PRIM2: variants seen among roughly 807,000 people sequenced by gnomAD.
The protein encoded by PRIM2 is DNA primase subunit 2.
PRIM2 carries 39 observed loss-of-function variants against 67.3 expected under a neutral mutation model. The observed-to-expected ratio is 0.58, with a 90% CI of 0.45 to 0.76. The LOEUF is 0.76. Ranked by LOEUF, PRIM2 falls within the 30% of genes least tolerant of loss-of-function variation. The pLI is 0.00. For missense variants in PRIM2, 398 were observed against 598.7 expected (o/e 0.66, Z 3.50); for synonymous variants, 143 against 198.7 (o/e 0.72, Z 2.36).
At chr6:57,333,720 A>G (rs1768132501) in intron 5 of PRIM2, among the ~76,000 whole-genome samples, 1 of 151,792 alleles carries the variant, frequency 6.6e-6, no homozygotes, top group African/African-American at 2.4e-5. Flanking sequence ...ACTTTCATCA[A>G]CTGTTTTCTC....
rs1441944056 is a variant in PRIM2 at position 57,601,084 on chromosome 6, C to G, written c.1021-9C>G. Reference sequence around the variant, plus strand: ...GACTTTGTCTCTTTTTCCATTTCCTCCCAATCAGTTTGATAAAGGTTACTC... The same window carrying G: ...GACTTTGTCTCTTTTTCCATTTCCTGCCAATCAGTTTGATAAAGGTTACTC... On this transcript the variant is annotated splice_polypyrimidine_tract_variant and intron_variant, in intron 10 of 13. Coordinates refer to ENST00000615550, the MANE Select transcript of PRIM2 (RefSeq NM_000947.5). 3 of 1,598,950 alleles carry G rather than the reference C, an allele frequency of 1.9e-6. No individual in the cohort carries two copies. Among genetic ancestry groups the G allele is most frequent in the African/African-American group, 2.7e-5 (2 of 74,474 alleles).
intron 2 of PRIM2, among the ~76,000 whole-genome samples, chr6:57,319,279 C>T (rs983527939): frequency 7.2e-5 from 11 of 152,184 alleles, no homozygotes; most frequent in African/African-American, 2.7e-4. Context: ...CCTACTTAAT[C>T]CTCAGTGTGT....
At chr6:57,530,595 G>A (rs2127467740) in intron 8 of PRIM2, among the ~76,000 whole-genome samples, 1 of 152,206 alleles carries the variant, frequency 6.6e-6, no homozygotes, top group South Asian at 2.1e-4. Context: ...TATTTTGGGG[G>A]GTGGCATCTT....
intron 7 of PRIM2, among the ~76,000 whole-genome samples, chr6:57,504,161 C>CTTTT (rs1774203652): frequency 6.6e-6 from 1 of 152,152 alleles, no homozygotes; most frequent in South Asian, 2.1e-4. Context: ...TCCAGACTCC[C>CTTTT]TTTTGTCTCT....
intron 10 of PRIM2, among the ~76,000 whole-genome samples, chr6:57,555,601 T>C (rs1775499509): frequency 6.6e-6 from 1 of 152,168 alleles, no homozygotes; most frequent in South Asian, 2.1e-4. Context: ...AATATTCTTA[T>C]TTAAGCTTTA....
rs1268317976 is a variant in PRIM2 at position 57,646,684 on chromosome 6, G to A, written c.*526G>A. 1 of 152,364 alleles carries A rather than the reference G, an allele frequency of 6.6e-6. No homozygotes were observed. Among genetic ancestry groups the A allele is most frequent in the Non-Finnish European group, 1.5e-5 (1 of 68,198 alleles). The allele number at this position is 152,364 out of a possible 1,614,324, so 9.4% of individuals were successfully genotyped here. A position where few individuals can be genotyped will look rare whatever the true frequency, so the allele number is the denominator to read the frequency against. ...GTTTCTATTAAAATCTGTCACTTGA[G>A]TGATGTCATTTAAGTCCTATTTTAG... On this transcript the variant is annotated 3_prime_UTR_variant, in exon 14 of 14. Coordinates refer to ENST00000615550, the MANE Select transcript of PRIM2 (RefSeq NM_000947.5).
At chr6:57,609,292 A>G (rs1457704165) in intron 12 of PRIM2, among the ~76,000 whole-genome samples, 2 of 152,238 alleles carry the variant, frequency 1.3e-5, no homozygotes, top group Non-Finnish European at 2.9e-5. Flanking sequence ...GCAATGTGGG[A>G]ACATAGAGGA....
chr6:57,388,419 G>C (rs1259394946), intron 7 of PRIM2, among the ~76,000 whole-genome samples: 1 of 152,176 alleles, frequency 6.6e-6, no homozygotes, highest in East Asian at 1.9e-4. Flanking sequence ...ATATTGACAT[G>C]GTGGATTGGT....
the PRIM2 span, among the ~76,000 whole-genome samples, chr6:57,301,233 A>C: frequency 6.6e-6 from 1 of 152,204 alleles, no homozygotes; most frequent in African/African-American, 2.4e-5. Flanking sequence ...TATGCCTGTT[A>C]TCCCAGGACT....
At chr6:57,631,482 GTATTTACAAAAGA>G in intron 12 of PRIM2, among the ~76,000 whole-genome samples, 1 of 152,190 alleles carries the variant, frequency 6.6e-6, no homozygotes, top group African/African-American at 2.4e-5. Context: ...AAAGCAAATT[GTATTTACAAAAGA>G]TAGGATGATG....
intron 9 of PRIM2, among the ~76,000 whole-genome samples, chr6:57,532,902 C>A (rs1774923200): frequency 6.6e-6 from 1 of 152,138 alleles, no homozygotes; most frequent in Non-Finnish European, 1.5e-5. Flanking sequence ...GGTTTGATTT[C>A]TTCCAGGGCC....
intron 7 of PRIM2, among the ~76,000 whole-genome samples, chr6:57,477,393 A>G (rs1413614717): frequency 1.3e-5 from 2 of 152,224 alleles, no homozygotes; most frequent in African/African-American, 4.8e-5. Context: ...GTATGTATTC[A>G]TTTAAAAGTA....
chr6:57,644,406 C>G (rs1325431575), intron 13 of PRIM2, among the ~76,000 whole-genome samples: 2 of 152,328 alleles, frequency 1.3e-5, no homozygotes, highest in African/African-American at 4.8e-5. Context: ...CGAAATTTCT[C>G]TCTACTGTGG....
intron 7 of PRIM2, among the ~76,000 whole-genome samples, chr6:57,404,187 A>G (rs2013464): frequency 0.2 from 10,990 of 55,764 alleles, 2,005 homozygotes; most frequent in Middle Eastern, 0.37. Context: ...AAGAACTCAC[A>G]TTGCTCATTA....
the PRIM2 span, among the ~76,000 whole-genome samples, chr6:57,258,213 T>A: frequency 1.3e-5 from 2 of 152,170 alleles, no homozygotes. Flanking sequence ...CCGTTAAGAT[T>A]TTGGAGGTAG....
At chr6:57,293,727 A>G in the PRIM2 span, among the ~76,000 whole-genome samples, 1 of 152,130 alleles carries the variant, frequency 6.6e-6, no homozygotes, top group Non-Finnish European at 1.5e-5. Context: ...TCAGCAAACT[A>G]TCAAAAGGAC....
At chr6:57,359,275 A>G (rs113228192) in intron 5 of PRIM2, among the ~76,000 whole-genome samples, 7,923 of 151,816 alleles carry the variant, frequency 0.052, 368 homozygotes, top group African/African-American at 0.18. Flanking sequence ...TTCTAAGTAG[A>G]CTTGATGGAG....
At chr6:57,546,378 A>G (rs1282947994) in intron 10 of PRIM2, among the ~76,000 whole-genome samples, 1 of 152,224 alleles carries the variant, frequency 6.6e-6, no homozygotes, top group Non-Finnish European at 1.5e-5. Flanking sequence ...GTGGAGTAAG[A>G]AAGTTGTTAG....
At chr6:57,377,105 G>A (rs1295367089) in intron 5 of PRIM2, among the ~76,000 whole-genome samples, 27 of 151,304 alleles carry the variant, frequency 1.8e-4, no homozygotes, top group Admixed American at 7.3e-4. Flanking sequence ...GGCCAGGCTG[G>A]TCTCAAACTC....
Sources: gnomAD v4.1 joint callset for allele counts (sites outside exome capture counted in the v4.1 genomes callset) on GRCh38, gnomAD v4.1.1 for gene constraint, MANE v1.5 for transcripts, NCBI Gene and HGNC (gene_info 2026-07-23, HGNC 2026-07-21) for gene names.